RIMS2: variants seen among roughly 807,000 people sequenced by gnomAD.
The protein encoded by RIMS2 is regulating synaptic membrane exocytosis protein 2.
A neutral mutation model predicts 174.4 loss-of-function variants in RIMS2; 59 were observed. That is an observed-to-expected ratio of 0.34 (90% CI 0.27 to 0.42). The LOEUF is 0.42. Among genes scored for constraint, RIMS2 ranks in the 10% least tolerant of loss-of-function variants. RIMS2 has a pLI of 1.00. For synonymous variants in RIMS2, 606 were observed against 572.5 expected, an observed-to-expected ratio of 1.06 and a Z score of -0.84; for missense variants, 1,620 against 1,666.3, an observed-to-expected ratio of 0.97 and a Z score of 0.48.
intron 19 of RIMS2, among the ~76,000 whole-genome samples, chr8:104,237,145 T>TA (rs1200660199): frequency 1.3e-5 from 2 of 152,188 alleles, no homozygotes; most frequent in Non-Finnish European, 2.9e-5. Flanking sequence ...AAAACAGTTA[T>TA]AAAATAGAAT....
At chr8:104,201,208 GT>G (rs757634679) in intron 19 of RIMS2, among the ~76,000 whole-genome samples, 2 of 152,082 alleles carry the variant, frequency 1.3e-5, no homozygotes, top group Non-Finnish European at 2.9e-5. Flanking sequence ...CTGAGACAAA[GT>G]TTTAATCCTA....
At chr8:104,066,024 G>A (rs903243745) in intron 19 of RIMS2, among the ~76,000 whole-genome samples, 12 of 152,122 alleles carry the variant, frequency 7.9e-5, no homozygotes, top group African/African-American at 2.9e-4. Flanking sequence ...ACTTTTGCAA[G>A]CACTGTTAAA....
intron 1 of RIMS2, among the ~76,000 whole-genome samples, chr8:103,620,381 GT>G (rs201745617): frequency 2.0e-5 from 3 of 150,508 alleles, no homozygotes; most frequent in East Asian, 1.9e-4. Context: ...TTTAATTCTT[GT>G]TTTTTTTCAA....
At chr8:104,030,526 C>A (rs2096367928) in intron 19 of RIMS2, among the ~76,000 whole-genome samples, 1 of 152,132 alleles carries the variant, frequency 6.6e-6, no homozygotes, top group Admixed American at 6.6e-5. Context: ...TGTGCTCCCC[C>A]ACTTCCCATC....
chr8:104,222,100 C>T (rs2099157988), intron 19 of RIMS2, among the ~76,000 whole-genome samples: 1 of 152,232 alleles, frequency 6.6e-6, no homozygotes, highest in Non-Finnish European at 1.5e-5. Context: ...AGAACCCACC[C>T]TGACAACTCT....
At chr8:104,128,460 G>A (rs2098448553) in intron 19 of RIMS2, among the ~76,000 whole-genome samples, 1 of 152,192 alleles carries the variant, frequency 6.6e-6, no homozygotes, top group African/African-American at 2.4e-5. Context: ...ACTTTGGGAG[G>A]CCGAGGTGGG....
At chr8:103,817,532 G>A (rs952728173) in intron 3 of RIMS2, among the ~76,000 whole-genome samples, 1 of 152,232 alleles carries the variant, frequency 6.6e-6, no homozygotes, top group African/African-American at 2.4e-5. Flanking sequence ...TGTAATCCCA[G>A]CACTTTGGGA....
intron 19 of RIMS2, among the ~76,000 whole-genome samples, chr8:104,064,826 T>C (rs1019736868): frequency 6.6e-6 from 1 of 152,060 alleles, no homozygotes; most frequent in Non-Finnish European, 1.5e-5. Context: ...GGTTGTCCCA[T>C]TACCATCTCA....
intron 16 of RIMS2, among the ~76,000 whole-genome samples, chr8:103,983,974 C>A (rs1249287715): frequency 1.3e-5 from 2 of 151,962 alleles, no homozygotes; most frequent in Non-Finnish European, 1.5e-5. Context: ...GAGATCGAGA[C>A]CATCCTGGCT....
intron 19 of RIMS2, among the ~76,000 whole-genome samples, chr8:104,127,696 C>T (rs1168762692): frequency 2.6e-5 from 4 of 151,510 alleles, no homozygotes; most frequent in Non-Finnish European, 4.4e-5. Context: ...AAAGCACTTA[C>T]AACAATACCA....
At chr8:103,946,713 C>T (rs1013721586) in intron 14 of RIMS2, among the ~76,000 whole-genome samples, 3 of 152,068 alleles carry the variant, frequency 2.0e-5, no homozygotes, top group Non-Finnish European at 4.4e-5. Flanking sequence ...CAGATTAAAC[C>T]CAATTCCTAT....
Position 103,636,788 on chromosome 8 carries a change from A to AC in RIMS2, c.177-60285dup, listed in dbSNP as rs768545308. Among the ~76,000 whole-genome samples, 378 of 43,554 alleles carry AC rather than the reference A, an allele frequency of 8.7e-3. 2 individuals carry two copies. The highest frequency in any genetic ancestry group is 0.044 in the East Asian group (50 of 1,130). The allele number at this position is 43,554 out of a possible 152,430, so 28.6% of individuals were successfully genotyped here. ...CTTTTTTTCTATAACCCACCCCCGC[A>AC]CCCCCCCCCCCCCACACACACACAC... On this transcript the variant is annotated intron_variant, in intron 1 of 23. Coordinates refer to ENST00000504942, the Ensembl canonical transcript of RIMS2.
At chr8:104,054,519 A>G (rs1032719080) in intron 19 of RIMS2, among the ~76,000 whole-genome samples, 1 of 152,178 alleles carries the variant, frequency 6.6e-6, no homozygotes, top group Non-Finnish European at 1.5e-5. Context: ...ATTTAGCGAA[A>G]TGGATAAAAT....
chr8:103,711,829 G>A (rs988130513), intron 2 of RIMS2, among the ~76,000 whole-genome samples: 1 of 151,904 alleles, frequency 6.6e-6, no homozygotes, highest in Admixed American at 6.6e-5. Flanking sequence ...CCTGGGAGGC[G>A]GCGGATGGAG....
chr8:103,622,919 T>C (rs2095669310), intron 1 of RIMS2, among the ~76,000 whole-genome samples: 1 of 152,214 alleles, frequency 6.6e-6, no homozygotes, highest in South Asian at 2.1e-4. Flanking sequence ...GCACAGATTA[T>C]TTATTCTGAA....
At chr8:103,637,843 T>A (rs1411008415) in intron 1 of RIMS2, among the ~76,000 whole-genome samples, 1 of 152,178 alleles carries the variant, frequency 6.6e-6, no homozygotes, top group African/African-American at 2.4e-5. Flanking sequence ...GTCTCCTTAG[T>A]CTCTTCCAAT....
In RIMS2 at chr8:103,564,551, A is replaced by G. The variant is rs373542468; in HGVS notation, c.176+63489A>G. ...GCCTTCAGTCTGTGGTTGAAGGTCCAAGAGCCTCTGGCAAACCACTGGTGT... is the reference window on the plus strand; with the variant it reads ...GCCTTCAGTCTGTGGTTGAAGGTCCGAGAGCCTCTGGCAAACCACTGGTGT... On this transcript the variant is annotated intron_variant, in intron 1 of 23. Coordinates refer to ENST00000504942, the Ensembl canonical transcript of RIMS2. Among the ~76,000 whole-genome samples the G allele has an allele frequency of 1.5e-4, 23 of 152,324 alleles. No individual in the cohort carries two copies. In the East Asian group the frequency reaches 2.5e-3, roughly 17 times the overall value.
At position 103,986,690 on chromosome 8, in the gene RIMS2, G is replaced by A. The variant is rs1220278655; in HGVS notation, c.2928-2615G>A. On this transcript the variant is annotated intron_variant, in intron 16 of 23. Coordinates refer to ENST00000504942, the Ensembl canonical transcript of RIMS2. ...GTTCATGACCAGCCTGGCCAACCTG[G>A]TGAAACCCCATCTCTACTAAAAATA... Among the ~76,000 whole-genome samples, 3 of 151,870 alleles carry A rather than the reference G, an allele frequency of 2.0e-5. No individual in the cohort carries two copies. The South Asian group carries it at 6.2e-4, about 32-fold the overall frequency.
chr8:103,713,200 G>A (rs938139305), intron 2 of RIMS2, among the ~76,000 whole-genome samples: 1 of 152,078 alleles, frequency 6.6e-6, no homozygotes, highest in African/African-American at 2.4e-5. Context: ...TGTATATTTA[G>A]TACAGACAAG....
Sources: gnomAD v4.1 joint callset for allele counts (sites outside exome capture counted in the v4.1 genomes callset) on GRCh38, gnomAD v4.1.1 for gene constraint, MANE v1.5 for transcripts, NCBI Gene and HGNC (gene_info 2026-07-23, HGNC 2026-07-21) for gene names.